Variants in TMEM132D observed in about 807,000 individuals in gnomAD.
TMEM132D encodes the protein transmembrane protein 132D, also known as mature OL transmembrane protein.
TMEM132D carries 21 observed loss-of-function variants against 62.3 expected under a neutral mutation model. That is an observed-to-expected ratio of 0.34 (90% confidence interval 0.24 to 0.49). TMEM132D has a LOEUF of 0.49. Ranked by LOEUF, TMEM132D falls within the 20% of genes least tolerant of loss-of-function variation. TMEM132D has a pLI of 0.99. For synonymous variants in TMEM132D, 621 were observed against 575.6 expected (o/e 1.08, Z -1.13); for missense variants, 1,346 against 1,402.8 (o/e 0.96, Z 0.65).
chr12:129,166,674 CATAT>C (rs72366382), intron 5 of TMEM132D, among the ~76,000 whole-genome samples: 6,404 of 139,138 alleles, frequency 0.046, 181 homozygotes, highest in Middle Eastern at 0.094. Flanking sequence ...TACGCAAGGA[CATAT>C]ATATACACAT....
At chr12:129,799,055 G>C (rs890417539) in intron 1 of TMEM132D, among the ~76,000 whole-genome samples, 1 of 151,806 alleles carries the variant, frequency 6.6e-6, no homozygotes, top group Non-Finnish European at 1.5e-5. Flanking sequence ...CACAAGGTCC[G>C]GAGATGGAGA....
Position 129,699,815 on chromosome 12 carries a change from C to A in TMEM132D, c.963G>T (p.Thr321=), listed in dbSNP as rs777841853. The A allele has an allele frequency of 7.4e-6, 12 of 1,613,602 alleles. No individual in the cohort carries two copies. In the South Asian group the frequency reaches 1.3e-4, roughly 18 times the overall value. Reference sequence around the variant, plus strand: ...GACATTGGGAAACGACTTACCTCAACGTGAAGCGATCTTCAGTGGAATTTC... The same window carrying A: ...GACATTGGGAAACGACTTACCTCAAAGTGAAGCGATCTTCAGTGGAATTTC... The part of the protein sequence containing the change: ...ISRNSTEDRF[T]LRAKVKKGVN... The change falls in exon 2 of 9, where the codon ACG becomes ACT. Residue 321 remains threonine, a synonymous_variant. Transcript: ENST00000422113.
chr12:129,513,763 G>A (rs906842237), intron 3 of TMEM132D, among the ~76,000 whole-genome samples: 1 of 150,698 alleles, frequency 6.6e-6, no homozygotes, highest in Non-Finnish European at 1.5e-5. Flanking sequence ...GGGATTACAG[G>A]CGTGAGCCAC....
At chr12:129,573,703 C>T (rs1877581296) in intron 2 of TMEM132D, among the ~76,000 whole-genome samples, 1 of 151,946 alleles carries the variant, frequency 6.6e-6, no homozygotes, top group Admixed American at 6.6e-5. Flanking sequence ...CACGTGTCCA[C>T]CAAGAAGAAA....
At chr12:129,501,506 A>T (rs1179817366) in intron 3 of TMEM132D, among the ~76,000 whole-genome samples, 2 of 151,910 alleles carry the variant, frequency 1.3e-5, no homozygotes, top group Non-Finnish European at 2.9e-5. Context: ...GATTTTTTTA[A>T]TTTTTTTTAT....
intron 2 of TMEM132D, among the ~76,000 whole-genome samples, chr12:129,618,817 C>A (rs922533829): frequency 1.3e-5 from 2 of 152,070 alleles, no homozygotes; most frequent in Admixed American, 6.5e-5. Context: ...GTGCCCAAGG[C>A]GGTTGGGTAC....
intron 1 of TMEM132D, chr12:129,852,784 C>T (rs1032969099): frequency 1.3e-5 from 2 of 152,094 alleles, no homozygotes; most frequent in African/African-American, 4.8e-5. Context: ...AATGCTTTAT[C>T]ATAAGTCATA....
intron 1 of TMEM132D, among the ~76,000 whole-genome samples, chr12:129,747,943 G>A (rs1267873086): frequency 6.6e-6 from 1 of 152,048 alleles, no homozygotes; most frequent in African/African-American, 2.4e-5. Context: ...ACTCATCACC[G>A]CGGACAGGCG....
chr12:129,803,474 A>C (rs1452520910), intron 1 of TMEM132D, among the ~76,000 whole-genome samples: 1 of 152,068 alleles, frequency 6.6e-6, no homozygotes, highest in Non-Finnish European at 1.5e-5. Flanking sequence ...AGAAATAAAG[A>C]TGTTCTTTGA....
At chr12:129,833,464 CA>C (rs1872907720) in intron 1 of TMEM132D, among the ~76,000 whole-genome samples, 1 of 151,674 alleles carries the variant, frequency 6.6e-6, no homozygotes, top group Non-Finnish European at 1.5e-5. Flanking sequence ...AAAACAAAAA[CA>C]AAAACAAAAA....
At chr12:129,814,611 CAAAAA>C (rs34979485) in intron 1 of TMEM132D, among the ~76,000 whole-genome samples, 4 of 94,572 alleles carry the variant, frequency 4.2e-5, no homozygotes, top group Non-Finnish European at 7.6e-5. Flanking sequence ...AACTCCCTCT[CAAAAA>C]AAAAAAAAAA....
chr12:129,525,295 AAAC>A (rs1343321182), intron 3 of TMEM132D, among the ~76,000 whole-genome samples: 1 of 141,234 alleles, frequency 7.1e-6, no homozygotes, highest in Non-Finnish European at 1.5e-5. Flanking sequence ...GTAGTTCTGA[AAAC>A]AACATCTTGG....
At chr12:129,833,491 G>A (rs1283112252) in intron 1 of TMEM132D, among the ~76,000 whole-genome samples, 1 of 152,046 alleles carries the variant, frequency 6.6e-6, no homozygotes, top group African/African-American at 2.4e-5. Flanking sequence ...CAGCTGTGGT[G>A]GTGTGCACCT....
At position 129,074,578 on chromosome 12, in the gene TMEM132D, T is replaced by G; in HGVS notation, c.2597A>C (p.Lys866Thr). 1 of 1,613,828 alleles carries G rather than the reference T, an allele frequency of 6.2e-7. No homozygotes were observed. Among genetic ancestry groups the G allele is most frequent in the Non-Finnish European group, 8.5e-7 (1 of 1,179,860 alleles). ...GTCATCTAAAAGGCTTTCCTGGCCT[T>G]TCTTCTTCTGCAGGATGGACCTGTC... ...TTDRSILQKKKGQESLLDDNS... is the reference protein window; with the variant it reads ...TTDRSILQKKTGQESLLDDNS... Residue 866 changes from lysine (K) to threonine (T), a missense_variant, in exon 9 of 9, where the codon AAA becomes ACA. By Grantham distance (78) the Lys-to-Thr change is moderately conservative (BLOSUM62 -1). Coordinates refer to ENST00000422113, the MANE Select transcript of TMEM132D (RefSeq NM_133448.3).
chr12:129,315,570 A>G (rs1237080763), intron 4 of TMEM132D, among the ~76,000 whole-genome samples: 1 of 152,154 alleles, frequency 6.6e-6, no homozygotes, highest in Non-Finnish European at 1.5e-5. Context: ...GGATTTTAGC[A>G]TCTATCTTCA....
intron 2 of TMEM132D, among the ~76,000 whole-genome samples, chr12:129,644,589 G>A (rs907112623): frequency 2.6e-5 from 4 of 152,028 alleles, no homozygotes; most frequent in Non-Finnish European, 5.9e-5. Context: ...ATTTTACAGT[G>A]CCGTTACAAC....
intron 4 of TMEM132D, among the ~76,000 whole-genome samples, chr12:129,308,022 C>T (rs912875666): frequency 1.3e-4 from 20 of 152,294 alleles, no homozygotes; most frequent in Admixed American, 1.0e-3. Flanking sequence ...TTCTTTCTCT[C>T]CTTCGAGCTT....
chr12:129,903,162 C>G lies in TMEM132D; in HGVS notation c.79+99G>C. On this transcript the variant is annotated intron_variant, in intron 1 of 8. Transcript: ENST00000422113. The surrounding 1 kb of genome is among the most constrained non-coding windows in gnomAD (Gnocchi z 6.2). ...ACAAGCGCGCACACACACTTGCACA[C>G]GAGCCCTCTCTCCCGGCCGCCCCCA... The G allele has an allele frequency of 7.9e-7, 1 of 1,259,448 alleles. No homozygotes were observed. 78.0% of individuals were successfully genotyped at this position (1,259,448 alleles called of 1,614,324 possible). A position where few individuals can be genotyped will look rare whatever the true frequency, so the allele number is the denominator to read the frequency against.
At chr12:129,771,565 G>C (rs1018544968) in intron 1 of TMEM132D, among the ~76,000 whole-genome samples, 1 of 152,178 alleles carries the variant, frequency 6.6e-6, no homozygotes, top group African/African-American at 2.4e-5. Context: ...ACGTGCTTTG[G>C]AGTAATTTTG....
Sources: allele counts gnomAD v4.1 joint callset (sites outside exome capture counted in the v4.1 genomes callset), GRCh38; gene constraint gnomAD v4.1.1; non-coding constraint Gnocchi (gnomAD v3.1); transcripts MANE v1.5; gene names NCBI Gene and HGNC (gene_info 2026-07-23, HGNC 2026-07-21).